KMT2C: variants seen among roughly 807,000 people sequenced by gnomAD.
KMT2C encodes histone-lysine N-methyltransferase 2C.
In KMT2C, 88 loss-of-function variants were observed where a neutral mutation model predicts 507.9. That is an observed-to-expected ratio of 0.17 (90% CI 0.15 to 0.21). The LOEUF is 0.21. KMT2C is among the 10% of genes least tolerant of loss of function. KMT2C has a pLI of 1.00. For synonymous variants in KMT2C, 2,049 were observed against 2,080.8 expected, an observed-to-expected ratio of 0.98 and a Z score of 0.42; for missense variants, 4,954 against 5,957.8, an observed-to-expected ratio of 0.83 and a Z score of 5.55.
At chr7:152,290,190 G>C (rs1394304731) in intron 6 of KMT2C, among the ~76,000 whole-genome samples, 1 of 138,882 alleles carries the variant, frequency 7.2e-6, no homozygotes, top group Admixed American at 7.7e-5. Context: ...CCCTGAAATT[G>C]CAAGGTAGTC....
chr7:152,344,247 A>G (rs2097029669), intron 2 of KMT2C, among the ~76,000 whole-genome samples: 1 of 152,234 alleles, frequency 6.6e-6, no homozygotes, highest in African/African-American at 2.4e-5. Flanking sequence ...CCAAGACCCC[A>G]GCGGATGCCT....
chr7:152,275,990 A>G (rs1429138594), intron 6 of KMT2C, among the ~76,000 whole-genome samples: 5 of 152,216 alleles, frequency 3.3e-5, no homozygotes, highest in Non-Finnish European at 7.4e-5. Context: ...TGTCTTTCTC[A>G]TTTTAGAAAC....
In KMT2C at chr7:152,212,442, T is replaced by C. The variant is rs541798906; in HGVS notation, c.3713-5014A>G. Among the ~76,000 whole-genome samples, 6 of 152,116 alleles carry C rather than the reference T, an allele frequency of 3.9e-5. No individual in the cohort carries two copies. In the South Asian group the frequency reaches 1.2e-3, roughly 32 times the overall value. On this transcript the variant is annotated intron_variant, in intron 23 of 58. Coordinates refer to ENST00000262189, the MANE Select transcript of KMT2C (RefSeq NM_170606.3). ...AGAGCAATCACATAAGAAAAGGAAA[T>C]AAAAGGCATCAGCAGAAAAAAGCGG...
chr7:152,179,918 G>C lies in KMT2C; in HGVS notation c.7358C>G (p.Pro2453Arg), dbSNP rs2129118044. 1.2e-6 allele frequency: 2 copies of C among 1,614,058 alleles called. No individual in the cohort carries two copies. Among genetic ancestry groups the C allele is most frequent in the Non-Finnish European group, 8.5e-7 (1 of 1,179,956 alleles). ...IRSPVAPPLGPRYAVFPKDQR... is the reference protein window; with the variant it reads ...IRSPVAPPLGRRYAVFPKDQR... Reference sequence around the variant, plus strand: ...ATCTTTTGGGAAAACAGCATATCTAGGTCCTAAAGGAGGGGCAACAGGAGA... The same window carrying C: ...ATCTTTTGGGAAAACAGCATATCTACGTCCTAAAGGAGGGGCAACAGGAGA... Residue 2453 changes from proline (P) to arginine (R), a missense_variant, in exon 37 of 59, where the codon CCT (proline) becomes CGT (arginine). Coordinates refer to ENST00000262189, the MANE Select transcript of KMT2C (RefSeq NM_170606.3).
At chr7:152,151,970 C>G (rs1435787587) in intron 49 of KMT2C, among the ~76,000 whole-genome samples, 2 of 152,120 alleles carry the variant, frequency 1.3e-5, no homozygotes, top group African/African-American at 4.8e-5. Context: ...GTATAAGAGT[C>G]TTAAATAAGT....
At chr7:152,160,091 A>C (rs556510959) in intron 43 of KMT2C, among the ~76,000 whole-genome samples, 2 of 152,340 alleles carry the variant, frequency 1.3e-5, no homozygotes, top group Non-Finnish European at 2.9e-5. Context: ...CGTTCAAATA[A>C]AACTTTTAAA....
chr7:152,353,687 C>A (rs750338245), intron 2 of KMT2C, among the ~76,000 whole-genome samples: 1 of 152,010 alleles, frequency 6.6e-6, no homozygotes, highest in African/African-American at 2.4e-5. Flanking sequence ...TTTGTAGAGA[C>A]GGGTTTTTGC....
At chr7:152,321,980 A>G (rs559590606) in intron 3 of KMT2C, among the ~76,000 whole-genome samples, 2 of 152,028 alleles carry the variant, frequency 1.3e-5, no homozygotes, top group East Asian at 3.9e-4. Flanking sequence ...AGCAAAAAGA[A>G]CAATGCTGGA....
intron 9 of KMT2C, among the ~76,000 whole-genome samples, chr7:152,254,421 A>C (rs1344076256): frequency 2.6e-5 from 4 of 152,200 alleles, no homozygotes; most frequent in Non-Finnish European, 5.9e-5. Context: ...AAAGATATTT[A>C]ATATTAGAAA....
chr7:152,160,844 T>G (rs373864141), intron 43 of KMT2C, among the ~76,000 whole-genome samples: 2 of 152,074 alleles, frequency 1.3e-5, no homozygotes, highest in East Asian at 1.9e-4. Context: ...AGGAGCTATT[T>G]AAATAATGTT....
intron 55 of KMT2C, among the ~76,000 whole-genome samples, chr7:152,143,100 G>C (rs1346031237): frequency 6.6e-6 from 1 of 152,168 alleles, no homozygotes; most frequent in Non-Finnish European, 1.5e-5. Flanking sequence ...GGGTATAAGA[G>C]TGAATGGACT....
At chr7:152,244,615 T>A (rs2095439908) in intron 14 of KMT2C, among the ~76,000 whole-genome samples, 1 of 152,222 alleles carries the variant, frequency 6.6e-6, no homozygotes, top group Non-Finnish European at 1.5e-5. Flanking sequence ...TACAACTAGG[T>A]CATTAGGACA....
chr7:152,293,059 C>A (rs1356171470), intron 6 of KMT2C, among the ~76,000 whole-genome samples: 1 of 152,042 alleles, frequency 6.6e-6, no homozygotes, highest in East Asian at 1.9e-4. Flanking sequence ...CTTATACTAC[C>A]GAATAGAAAG....
chr7:152,312,537 G>A (rs1418240096), intron 4 of KMT2C, among the ~76,000 whole-genome samples: 1 of 152,142 alleles, frequency 6.6e-6, no homozygotes, highest in Non-Finnish European at 1.5e-5. Context: ...GCATGACGTT[G>A]CAAGTACTCT....
chr7:152,419,903 C>T (rs1035818555), intron 1 of KMT2C, among the ~76,000 whole-genome samples: 2 of 152,192 alleles, frequency 1.3e-5, no homozygotes, highest in African/African-American at 2.4e-5. Flanking sequence ...TTCTCACTCC[C>T]CTTTTTCTCT....
chr7:152,435,526 G>A (rs1270702536), intron 1 of KMT2C, 100 bp downstream of exon 1: 1 of 585,060 alleles, frequency 1.7e-6, no homozygotes, highest in Non-Finnish European at 2.2e-6. Flanking sequence ...ACCCCGCCGG[G>A]GGGCGCCGGG....
intron 7 of KMT2C, among the ~76,000 whole-genome samples, chr7:152,272,002 G>T (rs1278666156): frequency 6.6e-6 from 1 of 151,798 alleles, no homozygotes; most frequent in Non-Finnish European, 1.5e-5. Flanking sequence ...TTTTTGGGGG[G>T]GGTCTCTCTA....
chr7:152,162,804 C>G lies in KMT2C; in HGVS notation c.10773G>C (p.Gln3591His). 6.2e-7 allele frequency: 1 copy of G among 1,614,164 alleles called. No homozygotes were observed. The highest frequency in any genetic ancestry group is 8.5e-7 in the Non-Finnish European group (1 of 1,180,034). ...SYPGSTQSLI[Q>H]LYSDIIPEEK... ...CCTCTGGGATTATATCAGAATACAA[C>G]TGAATGAGCGATTGGGTTGATCCCG... Residue 3591 changes from glutamine to histidine, a missense_variant, in exon 43 of 59, where the codon CAG becomes CAC. Physicochemically the swap from Gln to His is conservative, Grantham distance 24. This residue lies in a region of KMT2C where 801 missense variants were observed against 751.2 expected (regional missense o/e 1.07). Transcript: ENST00000262189.
At chr7:152,297,051 A>AAGAAAGAAACAAAGAAAGAC (rs1356233143) in intron 6 of KMT2C, among the ~76,000 whole-genome samples, 1 of 60,240 alleles carries the variant, frequency 1.7e-5, no homozygotes, top group Admixed American at 1.9e-4. Flanking sequence ...GAAAGAAAGA[A>AAGAAAGAAACAAAGAAAGAC]AGACAGAGAG....
Sources: allele counts gnomAD v4.1 joint callset (sites outside exome capture counted in the v4.1 genomes callset), GRCh38; gene constraint gnomAD v4.1.1; regional missense constraint gnomAD v4.1.1; transcripts MANE v1.5; gene names NCBI Gene and HGNC (gene_info 2026-07-23, HGNC 2026-07-21).